Variants in DOP1B observed in about 807,000 individuals in gnomAD.
The protein encoded by DOP1B is DOP1 leucine zipper like protein B, also known as protein DOP1B.
DOP1B carries 174 observed loss-of-function variants against 233.5 expected under a neutral mutation model. That is an observed-to-expected ratio of 0.75 (90% CI 0.66 to 0.85). DOP1B has a LOEUF of 0.85. DOP1B is among the 40% of genes least tolerant of loss of function. The pLI, the probability that DOP1B is intolerant of heterozygous loss-of-function variation, is 0.00. For synonymous variants in DOP1B, 1,190 were observed against 1,185.6 expected, an observed-to-expected ratio of 1.00 and a Z score of -0.08; for missense variants, 2,652 against 2,846.6, an observed-to-expected ratio of 0.93 and a Z score of 1.56.
chr21:36,214,671 G>T, intron 9 of DOP1B, 115 bp downstream of exon 9: 2 of 963,332 alleles, frequency 2.1e-6, no homozygotes, highest in Non-Finnish European at 3.1e-6. Flanking sequence ...TTTAATATTT[G>T]GAATTTCACA....
intron 1 of DOP1B, among the ~76,000 whole-genome samples, chr21:36,157,458 C>T (rs1036005672): frequency 6.6e-6 from 1 of 152,186 alleles, no homozygotes; most frequent in Non-Finnish European, 1.5e-5. Flanking sequence ...GGGATCCGGG[C>T]CGCAGTGCGC....
At chr21:36,199,484 C>T (rs1328958786) in intron 3 of DOP1B, among the ~76,000 whole-genome samples, 1 of 151,954 alleles carries the variant, frequency 6.6e-6, no homozygotes, top group Non-Finnish European at 1.5e-5. Flanking sequence ...ATATGCACAA[C>T]GTGCAGGTTT....
intron 2 of DOP1B, among the ~76,000 whole-genome samples, chr21:36,197,606 G>A (rs899803651): frequency 2.0e-5 from 3 of 152,230 alleles, no homozygotes; most frequent in African/African-American, 7.2e-5. Flanking sequence ...CTGAGATGGG[G>A]GCACTGAGCT....
chr21:36,264,631 C>T (rs2067212505), intron 26 of DOP1B, among the ~76,000 whole-genome samples: 1 of 151,844 alleles, frequency 6.6e-6, no homozygotes, highest in Admixed American at 6.6e-5. Flanking sequence ...GCCACCACGC[C>T]CGGCTAATTT....
At position 36,246,867 on chromosome 21, in the gene DOP1B, T is replaced by C. The variant is rs1479155580; in HGVS notation, c.4697+190T>C. Among the ~76,000 whole-genome samples, 2 of 149,246 alleles carry C rather than the reference T, an allele frequency of 1.3e-5. No individual in the cohort carries two copies. The highest frequency in any genetic ancestry group is 1.9e-4 in the East Asian group (1 of 5,152). On this transcript the variant is annotated intron_variant, in intron 19 of 36. Coordinates refer to ENST00000691173, the MANE Select transcript of DOP1B (RefSeq NM_001320714.2). The surrounding 1 kb of genome is among the most constrained non-coding windows in gnomAD (Gnocchi z 5.1). ...CATTATGTTATGTTATGTTATGTTA[T>C]GTTATGTTATGTTATGTTATGTTAT...
rs552611025 is a variant in DOP1B, at chr21:36,292,062, G to A, written c.6516-42G>A. On this transcript the variant is annotated intron_variant, in intron 35 of 36. Transcript: ENST00000691173. Reference sequence around the variant, plus strand: ...AAAACTAATTTTAACGACGTTGAAGGCCTCTTACCAGCAGACCTGACCTTC... The same window carrying A: ...AAAACTAATTTTAACGACGTTGAAGACCTCTTACCAGCAGACCTGACCTTC... The A allele has an allele frequency of 2.6e-6, 4 of 1,550,098 alleles. No individual in the cohort carries two copies. The African/African-American group carries it at 4.2e-5, about 16-fold the overall frequency.
At chr21:36,286,904 T>TA (rs1431030729) in intron 32 of DOP1B, among the ~76,000 whole-genome samples, 1 of 151,312 alleles carries the variant, frequency 6.6e-6, no homozygotes, top group Non-Finnish European at 1.5e-5. Context: ...GCGGAGGTTG[T>TA]AGTGAGCGGA....
chr21:36,169,601 A>G, intron 2 of DOP1B: 1 of 995,010 alleles, frequency 1.0e-6, no homozygotes, highest in Non-Finnish European at 1.6e-6. Context: ...GGCTCAGTCC[A>G]GCTTCTCAGC....
chr21:36,248,886 C>G (rs1601448134), intron 21 of DOP1B, among the ~76,000 whole-genome samples: 1 of 151,542 alleles, frequency 6.6e-6, no homozygotes, highest in Non-Finnish European at 1.5e-5. Flanking sequence ...GGATGGATCT[C>G]CTGAGGTCAG....
intron 24 of DOP1B, among the ~76,000 whole-genome samples, chr21:36,262,328 G>A (rs1172433399): frequency 6.6e-6 from 1 of 152,186 alleles, no homozygotes; most frequent in Admixed American, 6.6e-5. Flanking sequence ...TTGCAGAGGA[G>A]AAACCGCCTA....
At chr21:36,240,609 A>G (rs538081976) in intron 18 of DOP1B, among the ~76,000 whole-genome samples, 3 of 152,368 alleles carry the variant, frequency 2.0e-5, no homozygotes, top group African/African-American at 7.2e-5. Flanking sequence ...ATTATCAGAA[A>G]TGAAGAAGAA....
chr21:36,229,147 G>T (rs1196232732), intron 13 of DOP1B, among the ~76,000 whole-genome samples: 1 of 152,168 alleles, frequency 6.6e-6, no homozygotes, highest in Non-Finnish European at 1.5e-5. Flanking sequence ...TGTGATTTTG[G>T]TTATTTCGAA....
At chr21:36,264,599 A>C (rs2067211994) in intron 26 of DOP1B, among the ~76,000 whole-genome samples, 1 of 151,724 alleles carries the variant, frequency 6.6e-6, no homozygotes, top group Admixed American at 6.6e-5. Flanking sequence ...TCAGTCTCCC[A>C]AGTAGCTGAG....
rs567980379 is a variant in DOP1B at position 36,261,904 on chromosome 21, C to G, written c.5315+1172C>G. The stretch of plus-strand genomic sequence containing the variant: ...CCAGGCTGGGGGACAGAATGAGACT[C>G]TATCTCAAAAAGGAAAAAAAATGGG... On this transcript the variant is annotated intron_variant, in intron 24 of 36. Transcript: ENST00000691173. The G allele has an allele frequency of 1.3e-4, 122 of 935,468 alleles. 1 individual carries two copies. The Middle Eastern group carries it at 2.2e-3, about 17-fold the overall frequency. The allele number at this position is 935,468 out of a possible 1,614,324, so 57.9% of individuals were successfully genotyped here. A position where few individuals can be genotyped will look rare whatever the true frequency, so the allele number is the denominator to read the frequency against.
chr21:36,272,710 C>T (rs1373934310), intron 27 of DOP1B, among the ~76,000 whole-genome samples: 9 of 148,124 alleles, frequency 6.1e-5, no homozygotes, highest in East Asian at 2.0e-4. Context: ...TCAGGCCGGG[C>T]GCGGTGGCTC....
At chr21:36,200,210 A>G in intron 3 of DOP1B, 121 bp from the exon 4 acceptor site, 1 of 1,322,130 alleles carries the variant, frequency 7.6e-7, no homozygotes, top group Non-Finnish European at 1.0e-6. Context: ...CCACACATCG[A>G]AACCAGCAGT....
intron 35 of DOP1B, among the ~76,000 whole-genome samples, 183 bp from the exon 36 acceptor site, chr21:36,291,921 G>A (rs2067564128): frequency 1.3e-5 from 2 of 152,046 alleles, no homozygotes; most frequent in Admixed American, 1.3e-4. Flanking sequence ...TTTCTTTTTG[G>A]GGTAATGAAA....
intron 1 of DOP1B, among the ~76,000 whole-genome samples, chr21:36,161,920 T>TG (rs2065873001): frequency 6.6e-6 from 1 of 152,238 alleles, no homozygotes; most frequent in South Asian, 2.1e-4. Context: ...TCATCCAAGT[T>TG]GCGGCGTATC....
At chr21:36,184,630 G>C (rs1462315988) in intron 2 of DOP1B, among the ~76,000 whole-genome samples, 1 of 152,250 alleles carries the variant, frequency 6.6e-6, no homozygotes, top group East Asian at 1.9e-4. Context: ...ACTGGATTCA[G>C]AACAGGCTAT....
Sources: gnomAD v4.1 joint callset for allele counts (sites outside exome capture counted in the v4.1 genomes callset) on GRCh38, gnomAD v4.1.1 for gene constraint, Gnocchi (gnomAD v3.1) non-coding constraint, MANE v1.5 for transcripts, NCBI Gene and HGNC (gene_info 2026-07-23, HGNC 2026-07-21) for gene names.